Variants in ALDH1A1 observed in about 807,000 individuals in gnomAD.
ALDH1A1 encodes aldehyde dehydrogenase 1 family member A1.
In ALDH1A1, 19 loss-of-function variants were observed where a neutral mutation model predicts 62.1. The ratio of observed to expected loss-of-function variants is 0.31; its 90% CI spans 0.21 to 0.45. ALDH1A1 has a LOEUF of 0.45. Ranked by LOEUF, ALDH1A1 falls within the 20% of genes least tolerant of loss-of-function variation. The pLI, the probability that ALDH1A1 is intolerant of heterozygous loss-of-function variation, is 1.00. For synonymous variants in ALDH1A1, 231 were observed against 215.9 expected (o/e 1.07, Z -0.61); for missense variants, 521 against 607.1 (o/e 0.86, Z 1.49).
At chr9:72,909,826 G>T in intron 10 of ALDH1A1, 67 bp from the exon 11 acceptor site, 2 of 1,373,490 alleles carry the variant, frequency 1.5e-6, no homozygotes, top group Non-Finnish European at 2.0e-6. Context: ...TGATATCGTA[G>T]ATTTTTTTTC....
At chr9:72,935,362 G>A (rs368189008) in intron 2 of ALDH1A1, among the ~76,000 whole-genome samples, 16 of 151,992 alleles carry the variant, frequency 1.1e-4, no homozygotes, top group African/African-American at 3.9e-4. Flanking sequence ...TGAAGTAAGG[G>A]CCACAAGCTG....
intron 9 of ALDH1A1, 54 bp downstream of exon 9, chr9:72,916,866 A>G (rs1830071397): frequency 7.0e-7 from 1 of 1,420,762 alleles, no homozygotes; most frequent in East Asian, 2.6e-5. Flanking sequence ...AGGTCTAAAG[A>G]GGATACTTTA....
At chr9:72,921,017 G>A (rs974356862) in intron 7 of ALDH1A1, among the ~76,000 whole-genome samples, 2 of 152,222 alleles carry the variant, frequency 1.3e-5, no homozygotes, top group Non-Finnish European at 2.9e-5. Context: ...GGAGGCTGAG[G>A]CGGGCAGATC....
chr9:72,925,216 T>C (rs1830189279), intron 6 of ALDH1A1, among the ~76,000 whole-genome samples: 1 of 152,198 alleles, frequency 6.6e-6, no homozygotes, highest in Non-Finnish European at 1.5e-5. Context: ...TTTATGTTCA[T>C]GAGAGTTGGA....
chr9:72,932,060 C>T (rs190165223), intron 2 of ALDH1A1, among the ~76,000 whole-genome samples: 1 of 152,330 alleles, frequency 6.6e-6, no homozygotes, highest in East Asian at 1.9e-4. Flanking sequence ...GTTCAGACCT[C>T]TTCTGAGCTC....
At chr9:72,925,787 T>C (rs896507121) in intron 5 of ALDH1A1, among the ~76,000 whole-genome samples, 175 bp from the exon 6 acceptor site, 2 of 152,242 alleles carry the variant, frequency 1.3e-5, no homozygotes, top group East Asian at 1.9e-4. Context: ...TAAAACGCTC[T>C]GAATAAACCA....
At chr9:72,912,163 C>T in intron 9 of ALDH1A1, 41 bp from the exon 10 acceptor site, 1 of 1,566,482 alleles carries the variant, frequency 6.4e-7, no homozygotes, top group Non-Finnish European at 8.7e-7. Flanking sequence ...AAAGTAGTCA[C>T]TTGTAAAGAT....
chr9:72,939,813 C>G (rs529407009), intron 2 of ALDH1A1, among the ~76,000 whole-genome samples: 1 of 152,020 alleles, frequency 6.6e-6, no homozygotes, highest in Admixed American at 6.6e-5. Flanking sequence ...CCACAGCGCC[C>G]AGCTGAAGAT....
chr9:72,925,115 T>G (rs994922911), intron 6 of ALDH1A1, among the ~76,000 whole-genome samples: 3 of 152,206 alleles, frequency 2.0e-5, no homozygotes, highest in Non-Finnish European at 4.4e-5. Flanking sequence ...GTTTACACAA[T>G]TTTGCAGAAA....
intron 7 of ALDH1A1, among the ~76,000 whole-genome samples, chr9:72,922,584 C>T (rs1830158023): frequency 6.6e-6 from 1 of 151,948 alleles, no homozygotes; most frequent in Admixed American, 6.6e-5. Flanking sequence ...AATACACTAA[C>T]AGTAAAGATA....
chr9:72,936,708 G>A (rs944215082), intron 2 of ALDH1A1, among the ~76,000 whole-genome samples: 9 of 152,176 alleles, frequency 5.9e-5, no homozygotes, highest in African/African-American at 1.4e-4. Context: ...TGCCAGGGAT[G>A]ATCAGTATTT....
intron 2 of ALDH1A1, among the ~76,000 whole-genome samples, chr9:72,937,842 C>CATAA (rs1588142936): frequency 6.6e-6 from 1 of 152,170 alleles, no homozygotes; most frequent in East Asian, 1.9e-4. Context: ...GTGAACTCTT[C>CATAA]AGTATAAAGA....
At chr9:72,922,517 A>G (rs1402153929) in intron 7 of ALDH1A1, among the ~76,000 whole-genome samples, 1 of 152,164 alleles carries the variant, frequency 6.6e-6, no homozygotes, top group Non-Finnish European at 1.5e-5. Context: ...AGGGTTGTTC[A>G]ATCTTTTGGC....
chr9:72,916,462 A>G (rs913781986), intron 9 of ALDH1A1, among the ~76,000 whole-genome samples: 1 of 152,170 alleles, frequency 6.6e-6, no homozygotes, highest in Non-Finnish European at 1.5e-5. Context: ...TTAGGACCCC[A>G]TGCTACGATT....
rs530782962 is a variant in ALDH1A1 at position 72,914,976 on chromosome 9, A to C, written c.1035+1944T>G. On this transcript the variant is annotated intron_variant, in intron 9 of 12. Coordinates refer to ENST00000297785, the MANE Select transcript of ALDH1A1 (RefSeq NM_000689.5). ...AGTGAGTGAGTATCCCCTTTGCGTA[A>C]GTTTTTTCTCCTAACAATAGATGAA... Among the ~76,000 whole-genome samples, 30 of 152,174 alleles carry C rather than the reference A, an allele frequency of 2.0e-4. No individual in the cohort carries two copies. In the East Asian group the frequency reaches 5.4e-3, roughly 27 times the overall value.
At chr9:72,932,727 C>A (rs1052518401) in intron 2 of ALDH1A1, among the ~76,000 whole-genome samples, 11 of 152,180 alleles carry the variant, frequency 7.2e-5, no homozygotes, top group African/African-American at 2.7e-4. Flanking sequence ...CACGTTCTAA[C>A]TTTTTCCTAA....
At chr9:72,950,728 A>G (rs1289043463) in intron 1 of ALDH1A1, among the ~76,000 whole-genome samples, 1 of 151,878 alleles carries the variant, frequency 6.6e-6, no homozygotes, top group Non-Finnish European at 1.5e-5. Flanking sequence ...ATAATAAAAA[A>G]GGACATTAGA....
intron 1 of ALDH1A1, among the ~76,000 whole-genome samples, chr9:72,942,745 T>G (rs1208336439): frequency 6.6e-6 from 1 of 152,162 alleles, no homozygotes; most frequent in Non-Finnish European, 1.5e-5. Flanking sequence ...TTTTGCAGCA[T>G]GCTTTTATTC....
At chr9:72,938,058 T>C (rs1258886107) in intron 2 of ALDH1A1, among the ~76,000 whole-genome samples, 1 of 152,124 alleles carries the variant, frequency 6.6e-6, no homozygotes, top group African/African-American at 2.4e-5. Context: ...TTGGAATAAG[T>C]ATCTGCATGG....
Sources: gnomAD v4.1 joint callset for allele counts (sites outside exome capture counted in the v4.1 genomes callset) on GRCh38, gnomAD v4.1.1 for gene constraint, MANE v1.5 for transcripts, NCBI Gene and HGNC (gene_info 2026-07-23, HGNC 2026-07-21) for gene names.